NAALADL2: variants seen among roughly 807,000 people sequenced by gnomAD.
The protein encoded by NAALADL2 is N-acetylated alpha-linked acidic dipeptidase like 2.
A neutral mutation model predicts 87.2 loss-of-function variants in NAALADL2; 76 were observed. The observed-to-expected ratio is 0.87, with a 90% CI of 0.72 to 1.05. The LOEUF (loss-of-function observed/expected upper bound fraction) is 1.05, where lower values mean the gene tolerates loss of function less well. NAALADL2 is among the 50% of genes least tolerant of loss of function. The pLI, the probability that NAALADL2 is intolerant of heterozygous loss-of-function variation, is 0.00. For missense variants in NAALADL2, 1,089 were observed against 945.8 expected (o/e 1.15, Z -1.99); for synonymous variants, 354 against 331.0 (o/e 1.07, Z -0.75).
intron 2 of NAALADL2, among the ~76,000 whole-genome samples, chr3:175,213,296 A>G (rs1234924524): frequency 6.6e-6 from 1 of 152,004 alleles, no homozygotes; most frequent in African/African-American, 2.4e-5. Flanking sequence ...AAACACTGAA[A>G]AATAAGGTTT....
At chr3:174,854,279 CAGAA>C (rs1725602192) in intron 3 of NAALADL2, among the ~76,000 whole-genome samples, 1 of 152,000 alleles carries the variant, frequency 6.6e-6, no homozygotes, top group African/African-American at 2.4e-5. Context: ...AAGCCAGGCA[CAGAA>C]AGATAAATAT....
intron 10 of NAALADL2, chr3:175,609,725 C>A (rs1406956420): frequency 6.6e-6 from 1 of 152,112 alleles, no homozygotes; most frequent in Admixed American, 6.6e-5. Flanking sequence ...AGATGCTGGA[C>A]AGCATAGCAG....
intron 3 of NAALADL2, among the ~76,000 whole-genome samples, chr3:174,798,940 C>T (rs1049605960): frequency 5.9e-5 from 9 of 152,030 alleles, no homozygotes; most frequent in East Asian, 1.9e-4. Flanking sequence ...GAGGCTGAGG[C>T]GGGTGGATCA....
chr3:174,901,223 T>C (rs1291787262), intron 1 of NAALADL2, among the ~76,000 whole-genome samples: 1 of 152,138 alleles, frequency 6.6e-6, no homozygotes, highest in Non-Finnish European at 1.5e-5. Flanking sequence ...AAGGAATAAT[T>C]TTAACATGTA....
intron 4 of NAALADL2, among the ~76,000 whole-genome samples, chr3:175,289,628 A>G (rs1755409135): frequency 6.6e-6 from 1 of 152,100 alleles, no homozygotes; most frequent in Non-Finnish European, 1.5e-5. Flanking sequence ...AAATTTTATA[A>G]GAATTTAAAA....
intron 12 of NAALADL2, among the ~76,000 whole-genome samples, chr3:175,745,348 C>T (rs1447328511): frequency 1.3e-5 from 2 of 152,136 alleles, no homozygotes; most frequent in Non-Finnish European, 1.5e-5. Context: ...AGCTGATATA[C>T]TTCAGATGTA....
intron 11 of NAALADL2, among the ~76,000 whole-genome samples, chr3:175,647,766 C>A (rs1730212936): frequency 6.6e-6 from 1 of 152,116 alleles, no homozygotes; most frequent in Non-Finnish European, 1.5e-5. Context: ...GTAAGACGAG[C>A]CTTTGCAGCA....
intron 2 of NAALADL2, among the ~76,000 whole-genome samples, chr3:175,140,677 AG>A (rs1382074644): frequency 6.6e-6 from 1 of 152,296 alleles, no homozygotes; most frequent in East Asian, 1.9e-4. Context: ...AGTTTAATAA[AG>A]GGAGTGACAT....
rs185015669 is a variant in NAALADL2 at position 174,783,541 on chromosome 3, C to T, written c.-9+45795C>T. ...ATACAATCAAATAGTGTGCATTTTG[C>T]AACCGTGGCAAATTGTCAATTTGTA... On this transcript the variant is annotated intron_variant, in intron 3 of 3. Coordinates refer to the NAALADL2 transcript ENST00000434257. Among the ~76,000 whole-genome samples, 40 of 152,230 alleles carry T rather than the reference C, an allele frequency of 2.6e-4. No homozygotes were observed. The East Asian group carries it at 5.2e-3, about 20-fold the overall frequency.
At chr3:175,134,935 A>G (rs1490675822) in intron 2 of NAALADL2, among the ~76,000 whole-genome samples, 1 of 152,214 alleles carries the variant, frequency 6.6e-6, no homozygotes, top group Non-Finnish European at 1.5e-5. Context: ...AGTTCAAATT[A>G]TAAGATATCA....
At chr3:174,468,372 T>G (rs928969214) in intron 1 of NAALADL2, among the ~76,000 whole-genome samples, 6 of 145,582 alleles carry the variant, frequency 4.1e-5, no homozygotes, top group African/African-American at 1.5e-4. Context: ...TTTTCTTTCT[T>G]TCTTTCTTTT....
chr3:174,969,999 C>T (rs78479856), intron 1 of NAALADL2, among the ~76,000 whole-genome samples: 1 of 152,098 alleles, frequency 6.6e-6, no homozygotes, highest in South Asian at 2.1e-4. Flanking sequence ...TTAAAATCAA[C>T]TTGAGTTCTT....
chr3:174,938,852 A>G (rs1351135807), intron 1 of NAALADL2, among the ~76,000 whole-genome samples: 1 of 152,024 alleles, frequency 6.6e-6, no homozygotes, highest in Non-Finnish European at 1.5e-5. Flanking sequence ...TCCTTTGTCT[A>G]CTTTTTAATG....
chr3:175,324,253 C>T lies in NAALADL2; in HGVS notation c.1018C>T (p.Pro340Ser). 1 of 1,613,532 alleles carries T rather than the reference C, an allele frequency of 6.2e-7. No individual in the cohort carries two copies. Among genetic ancestry groups the T allele is most frequent in the Non-Finnish European group, 8.5e-7 (1 of 1,179,618 alleles). Residue 340 changes from proline to serine, a missense_variant, in exon 5 of 14, where the codon CCT becomes TCT. Transcript: ENST00000454872. ...TTGTGATTTGCCAAAGACTGTGAAT[C>T]CTAGCCATGATACCTTCATGGTGTC... ...DPCDLPKTVNPSHDTFMVSLN... is the reference protein window; with the variant it reads ...DPCDLPKTVNSSHDTFMVSLN...
chr3:174,516,194 C>T (rs9846485), intron 1 of NAALADL2, among the ~76,000 whole-genome samples: 164 of 152,154 alleles, frequency 1.1e-3, no homozygotes, highest in African/African-American at 3.7e-3. Context: ...ATTAATAGCA[C>T]GTTTTTTCCT....
In NAALADL2 at chr3:174,784,988, C is replaced by A. The variant is rs115855578; in HGVS notation, c.-9+47242C>A. Among the ~76,000 whole-genome samples the A allele has an allele frequency of 8.3e-3, 1,268 of 152,108 alleles. 3 individuals carry two copies. The highest frequency in any genetic ancestry group is 0.018 in the African/African-American group (746 of 41,514). On this transcript the variant is annotated intron_variant, in intron 3 of 3. Coordinates refer to the NAALADL2 transcript ENST00000434257. Reference sequence around the variant, plus strand: ...AGGAGAGGACTATGATAATCAAGATCTTTTGTCCTTTTTAATTTAATTTTT... The same window carrying A: ...AGGAGAGGACTATGATAATCAAGATATTTTGTCCTTTTTAATTTAATTTTT...
At chr3:175,004,699 T>C (rs1400480177) in intron 1 of NAALADL2, among the ~76,000 whole-genome samples, 1 of 152,156 alleles carries the variant, frequency 6.6e-6, no homozygotes, top group Non-Finnish European at 1.5e-5. Flanking sequence ...ACACTTTTGA[T>C]TTCTGATGGT....
intron 13 of NAALADL2, among the ~76,000 whole-genome samples, chr3:175,797,332 T>G (rs1753620714): frequency 6.6e-6 from 1 of 152,150 alleles, no homozygotes; most frequent in Admixed American, 6.6e-5. Flanking sequence ...AATAATATTT[T>G]AATTAGGTCT....
intron 4 of NAALADL2, among the ~76,000 whole-genome samples, chr3:175,310,519 A>G (rs1386571322): frequency 1.3e-5 from 2 of 152,090 alleles, no homozygotes; most frequent in East Asian, 1.9e-4. Context: ...GAGATATTTT[A>G]TACTTATTAG....
Sources: gnomAD v4.1 joint callset for allele counts (sites outside exome capture counted in the v4.1 genomes callset) on GRCh38, gnomAD v4.1.1 for gene constraint, MANE v1.5 for transcripts, NCBI Gene and HGNC (gene_info 2026-07-23, HGNC 2026-07-21) for gene names.